The following TXK variants were observed in gnomAD, a reference collection of about 807,000 sequenced individuals.
TXK encodes the protein TXK tyrosine kinase.
TXK carries 60 observed loss-of-function variants against 81.0 expected under a neutral mutation model. The ratio of observed to expected loss-of-function variants is 0.74; its 90% CI spans 0.60 to 0.92. The LOEUF (loss-of-function observed/expected upper bound fraction) is 0.92, where lower values mean the gene tolerates loss of function less well. Ranked by LOEUF, TXK falls within the 40% of genes least tolerant of loss-of-function variation. The probability of loss-of-function intolerance (pLI) is 0.00; values close to 1 mark genes in which losing one functional copy is unlikely to be tolerated. For missense variants in TXK, 581 were observed against 638.3 expected (o/e 0.91, Z 0.97); for synonymous variants, 203 against 210.7 (o/e 0.96, Z 0.32).
At chr4:48,078,634 T>C (rs1717163249) in intron 11 of TXK, among the ~76,000 whole-genome samples, 1 of 152,152 alleles carries the variant, frequency 6.6e-6, no homozygotes, top group East Asian at 1.9e-4. Context: ...TAGCATATGG[T>C]TTGGGGCAAG....
chr4:48,127,295 G>C (rs1719115336), intron 1 of TXK, among the ~76,000 whole-genome samples: 1 of 152,140 alleles, frequency 6.6e-6, no homozygotes, highest in African/African-American at 2.4e-5. Flanking sequence ...TGAAGTGTTG[G>C]GCCAAAATTC....
intron 6 of TXK, among the ~76,000 whole-genome samples, chr4:48,099,465 A>G (rs766063217): frequency 1.2e-4 from 18 of 152,194 alleles, no homozygotes; most frequent in Non-Finnish European, 2.2e-4. Flanking sequence ...GAACAAATGG[A>G]TCCCCAAACC....
intron 5 of TXK, among the ~76,000 whole-genome samples, chr4:48,108,974 T>TCC (rs1252862500): frequency 6.6e-6 from 1 of 152,192 alleles, no homozygotes; most frequent in Non-Finnish European, 1.5e-5. Flanking sequence ...AATGTCTCCT[T>TCC]TAATCGCTTG....
At chr4:48,124,313 C>T (rs1174230389) in intron 1 of TXK, among the ~76,000 whole-genome samples, 2 of 152,156 alleles carry the variant, frequency 1.3e-5, no homozygotes, top group Admixed American at 6.5e-5. Context: ...TTGTGGAAAC[C>T]CAAGTGTTTC....
Position 48,095,207 on chromosome 4 carries a change from A to G in TXK, c.517T>C (p.Phe173Leu), listed in dbSNP as rs1717936748. The G allele has an allele frequency of 6.2e-7, 1 of 1,613,428 alleles. No homozygotes were observed. Among genetic ancestry groups the G allele is most frequent in the East Asian group, 2.2e-5 (1 of 44,844 alleles). ...AAATGTCTTGAATCTCTGACAATAAATGCACCTTCTTTAGACTGCAAAAAA... is the reference window on the plus strand; with the variant it reads ...AAATGTCTTGAATCTCTGACAATAAGTGCACCTTCTTTAGACTGCAAAAAA... ...LLRQESKEGA[F>L]IVRDSRHLGS... Residue 173 changes from phenylalanine to leucine, a missense_variant, in exon 7 of 15, where the codon TTT (phenylalanine) becomes CTT (leucine). Physicochemically the swap from Phe to Leu is conservative, Grantham distance 22 (BLOSUM62 0). Transcript: ENST00000264316.
intron 1 of TXK, among the ~76,000 whole-genome samples, chr4:48,123,512 C>A (rs1719010101): frequency 6.6e-6 from 1 of 152,178 alleles, no homozygotes; most frequent in Admixed American, 6.5e-5. Flanking sequence ...AGTCTGTTCA[C>A]AGGGCTTGGC....
chr4:48,090,716 T>C (rs1047118671), intron 8 of TXK, among the ~76,000 whole-genome samples: 3 of 152,198 alleles, frequency 2.0e-5, no homozygotes, highest in African/African-American at 4.8e-5. Flanking sequence ...GATTACATTC[T>C]AGTGAGAGGA....
rs561122746 is a variant in TXK, at chr4:48,119,296, A to G, written c.17-4894T>C. Reference sequence around the variant, plus strand: ...TTTAATCCCTACACATTATCAATACATATTAGTTCCTTTCCTATCAAAGAA... The same window carrying G: ...TTTAATCCCTACACATTATCAATACGTATTAGTTCCTTTCCTATCAAAGAA... On this transcript the variant is annotated intron_variant, in intron 1 of 14. Transcript: ENST00000264316. 2.0e-4 allele frequency among the ~76,000 whole-genome samples: 30 copies of G among 152,334 alleles called. No individual in the cohort carries two copies. In the East Asian group the frequency reaches 5.8e-3, roughly 29 times the overall value.
intron 1 of TXK, among the ~76,000 whole-genome samples, chr4:48,126,813 C>T (rs981630094): frequency 1.3e-5 from 2 of 152,124 alleles, no homozygotes; most frequent in Non-Finnish European, 2.9e-5. Context: ...AAGTCAAGAA[C>T]TTTGAAAGAG....
At chr4:48,117,730 A>G (rs1160003620) in intron 1 of TXK, among the ~76,000 whole-genome samples, 1 of 152,238 alleles carries the variant, frequency 6.6e-6, no homozygotes, top group African/African-American at 2.4e-5. Context: ...CTGGCTATGG[A>G]AAAACAAAAG....
At chr4:48,078,894 A>G (rs575366685) in intron 11 of TXK, among the ~76,000 whole-genome samples, 3 of 152,308 alleles carry the variant, frequency 2.0e-5, no homozygotes, top group Non-Finnish European at 2.9e-5. Context: ...CACTTGATAC[A>G]TGTTTGATTA....
intron 3 of TXK, 147 bp from the exon 4 acceptor site, chr4:48,112,659 G>A (rs957836223): frequency 5.3e-6 from 4 of 761,408 alleles, no homozygotes; most frequent in Non-Finnish European, 8.1e-6. Flanking sequence ...ATGTAGAAAA[G>A]GACTAACTAT....
In TXK at chr4:48,112,524, A is replaced by G; in HGVS notation, c.175-12T>C. On this transcript the variant is annotated splice_polypyrimidine_tract_variant and intron_variant, in intron 3 of 14. Coordinates refer to ENST00000264316, the MANE Select transcript of TXK (RefSeq NM_003328.3). ...CGGCCCGTGTTGGACTGTGAAAACC[A>G]ATAAGTGAGTTGTTTTACTATCATT... 1 of 1,590,764 alleles carries G rather than the reference A, an allele frequency of 6.3e-7. No homozygotes were observed. Among genetic ancestry groups the G allele is most frequent in the Non-Finnish European group, 8.5e-7 (1 of 1,170,096 alleles).
chr4:48,094,590 G>T (rs889022712), intron 7 of TXK, among the ~76,000 whole-genome samples: 26 of 152,336 alleles, frequency 1.7e-4, no homozygotes, highest in Admixed American at 1.2e-3. Flanking sequence ...TAGTTAGTAG[G>T]TTACTACTAT....
rs898459712 is a variant in TXK, at chr4:48,083,359, T to C, written c.956+3107A>G. Among the ~76,000 whole-genome samples the C allele has an allele frequency of 2.0e-5, 3 of 152,256 alleles. No individual in the cohort carries two copies. The East Asian group carries it at 5.8e-4, about 29-fold the overall frequency. ...TCCTGTTTCACCACTCATGTTGTCCTGCCTTTCCAGACCAAACCAATGTAC... is the reference window on the plus strand; with the variant it reads ...TCCTGTTTCACCACTCATGTTGTCCCGCCTTTCCAGACCAAACCAATGTAC... On this transcript the variant is annotated intron_variant, in intron 10 of 14. Transcript: ENST00000264316.
chr4:48,119,979 A>G lies in TXK; in HGVS notation c.17-5577T>C, dbSNP rs541518975. Reference sequence around the variant, plus strand: ...TAGACTGTGGCAAAATGTTGTGCCCAAGCCCACTTGGAGGTATTCAAATTC... The same window carrying G: ...TAGACTGTGGCAAAATGTTGTGCCCGAGCCCACTTGGAGGTATTCAAATTC... On this transcript the variant is annotated intron_variant, in intron 1 of 14. Transcript: ENST00000264316. Among the ~76,000 whole-genome samples the G allele has an allele frequency of 2.0e-5, 3 of 152,168 alleles. No homozygotes were observed. The South Asian group carries it at 6.2e-4, about 32-fold the overall frequency.
intron 3 of TXK, among the ~76,000 whole-genome samples, 161 bp from the exon 4 acceptor site, chr4:48,112,673 A>G (rs577005650): frequency 6.1e-4 from 92 of 152,054 alleles, no homozygotes; most frequent in African/African-American, 2.1e-3. Flanking sequence ...TAACTATAAA[A>G]CTCCTTTAGG....
intron 1 of TXK, among the ~76,000 whole-genome samples, chr4:48,123,052 G>C (rs1008023676): frequency 1.3e-5 from 2 of 152,178 alleles, no homozygotes; most frequent in Non-Finnish European, 2.9e-5. Context: ...ATAGCCTCCT[G>C]TTTTAATATA....
At chr4:48,089,725 A>G in intron 9 of TXK, 25 bp downstream of exon 9, 1 of 1,596,798 alleles carries the variant, frequency 6.3e-7, no homozygotes, top group Non-Finnish European at 8.6e-7. Context: ...TTGCTATTTT[A>G]CTTCAGCATG....
Sources: allele counts gnomAD v4.1 joint callset (sites outside exome capture counted in the v4.1 genomes callset), GRCh38; gene constraint gnomAD v4.1.1; transcripts MANE v1.5; gene names NCBI Gene and HGNC (gene_info 2026-07-23, HGNC 2026-07-21).